The following NXPH1 variants were observed in gnomAD, a reference collection of about 807,000 sequenced individuals.
NXPH1 encodes neurexophilin 1.
NXPH1 carries 5 observed loss-of-function variants against 23.7 expected under a neutral mutation model. The ratio of observed to expected loss-of-function variants is 0.21; its 90% CI spans 0.11 to 0.44. NXPH1 has a LOEUF of 0.44. Ranked by LOEUF, NXPH1 falls within the 20% of genes least tolerant of loss-of-function variation. NXPH1 has a pLI of 0.99. For synonymous variants in NXPH1, 144 were observed against 122.2 expected (o/e 1.18, Z -1.18); for missense variants, 324 against 321.6 (o/e 1.01, Z -0.06).
chr7:8,504,487 C>CATTTTTT (rs1817489763), intron 2 of NXPH1, among the ~76,000 whole-genome samples: 1 of 151,982 alleles, frequency 6.6e-6, no homozygotes, highest in Non-Finnish European at 1.5e-5. Flanking sequence ...AGGGAACTCA[C>CATTTTTT]CTATGTAAAG....
At chr7:8,678,279 A>T (rs1373103936) in intron 2 of NXPH1, among the ~76,000 whole-genome samples, 1 of 151,890 alleles carries the variant, frequency 6.6e-6, no homozygotes, top group Non-Finnish European at 1.5e-5. Flanking sequence ...AGTTCAATAA[A>T]CCCCACCTCT....
chr7:8,628,967 C>A (rs887986026), intron 2 of NXPH1, among the ~76,000 whole-genome samples: 7 of 150,766 alleles, frequency 4.6e-5, no homozygotes, highest in Non-Finnish European at 8.8e-5. Flanking sequence ...CACAGGCATT[C>A]TAGATCTTGG....
chr7:8,473,951 C>T (rs1275002505), intron 2 of NXPH1, among the ~76,000 whole-genome samples: 1 of 152,096 alleles, frequency 6.6e-6, no homozygotes, highest in East Asian at 1.9e-4. Context: ...CCTGAGCTCC[C>T]TTCAAATTAC....
At chr7:8,564,169 C>T (rs150741475) in intron 2 of NXPH1, among the ~76,000 whole-genome samples, 214 of 151,844 alleles carry the variant, frequency 1.4e-3, no homozygotes, top group African/African-American at 3.6e-3. Flanking sequence ...CCTTGCCATC[C>T]GCTTACTCTG....
intron 2 of NXPH1, among the ~76,000 whole-genome samples, chr7:8,481,539 T>C (rs1232511320): frequency 2.0e-5 from 3 of 152,196 alleles, no homozygotes; most frequent in African/African-American, 7.2e-5. Flanking sequence ...GATTTGTTCA[T>C]AATTTAGAGA....
intron 2 of NXPH1, among the ~76,000 whole-genome samples, chr7:8,447,532 C>T (rs1045967653): frequency 6.6e-6 from 1 of 152,188 alleles, no homozygotes; most frequent in Non-Finnish European, 1.5e-5. Context: ...TTTGGTTTAA[C>T]AATGCAGAAT....
intron 2 of NXPH1, among the ~76,000 whole-genome samples, chr7:8,580,711 T>C (rs1398732983): frequency 6.6e-6 from 1 of 150,612 alleles, no homozygotes; most frequent in Non-Finnish European, 1.5e-5. Flanking sequence ...GCGGCATTCA[T>C]GCAGGCTGAG....
intron 2 of NXPH1, among the ~76,000 whole-genome samples, chr7:8,454,626 C>T (rs1458142617): frequency 6.6e-6 from 1 of 152,118 alleles, no homozygotes; most frequent in Non-Finnish European, 1.5e-5. Context: ...ATCTTTCCTC[C>T]TCTATGATAT....
chr7:8,534,386 T>G (rs1392775293), intron 2 of NXPH1, among the ~76,000 whole-genome samples: 3 of 152,102 alleles, frequency 2.0e-5, no homozygotes, highest in Non-Finnish European at 2.9e-5. Flanking sequence ...TACTACTAGG[T>G]TGAAAACGTT....
At chr7:8,671,548 C>T (rs1300358273) in intron 2 of NXPH1, among the ~76,000 whole-genome samples, 2 of 152,204 alleles carry the variant, frequency 1.3e-5, no homozygotes, top group South Asian at 2.1e-4. Context: ...AACAGAATGG[C>T]TATTTATATT....
intron 2 of NXPH1, among the ~76,000 whole-genome samples, chr7:8,616,969 G>T (rs1418567639): frequency 6.6e-6 from 1 of 152,058 alleles, no homozygotes. Flanking sequence ...AAGAGATGGT[G>T]CCAGCTTGGG....
intron 2 of NXPH1, among the ~76,000 whole-genome samples, chr7:8,588,939 TA>T (rs1819035297): frequency 6.6e-6 from 1 of 152,138 alleles, no homozygotes; most frequent in East Asian, 1.9e-4. Context: ...CTGTAATCTT[TA>T]AAAAATTTCC....
intron 2 of NXPH1, among the ~76,000 whole-genome samples, chr7:8,647,777 C>CG (rs1258050696): frequency 1.2e-4 from 17 of 145,974 alleles, no homozygotes; most frequent in Admixed American, 1.1e-3. Flanking sequence ...CTTAACCATT[C>CG]GGTTTTTTTT....
At chr7:8,438,241 T>C (rs1484643678) in intron 2 of NXPH1, among the ~76,000 whole-genome samples, 1 of 152,250 alleles carries the variant, frequency 6.6e-6, no homozygotes, top group East Asian at 1.9e-4. Flanking sequence ...GGCTTCTTTC[T>C]TCATCTATTT....
chr7:8,668,666 C>T (rs1413764291), intron 2 of NXPH1, among the ~76,000 whole-genome samples: 1 of 151,962 alleles, frequency 6.6e-6, no homozygotes, highest in Non-Finnish European at 1.5e-5. Flanking sequence ...AGGGGCTGAC[C>T]AGGTACTGGC....
chr7:8,683,091 C>T (rs1016051881), intron 2 of NXPH1, among the ~76,000 whole-genome samples: 2 of 152,192 alleles, frequency 1.3e-5, no homozygotes, highest in African/African-American at 4.8e-5. Flanking sequence ...ATGACACCAG[C>T]ATCTGCTTGG....
intron 2 of NXPH1, among the ~76,000 whole-genome samples, chr7:8,726,842 T>C (rs1257109377): frequency 4.0e-5 from 6 of 151,884 alleles, no homozygotes; most frequent in African/African-American, 1.5e-4. Context: ...GTCCTTTGGG[T>C]ATATACCCAG....
chr7:8,696,238 C>T (rs2115186605), intron 2 of NXPH1, among the ~76,000 whole-genome samples: 1 of 152,244 alleles, frequency 6.6e-6, no homozygotes. Flanking sequence ...AAAGAATTTT[C>T]TCCAGGAAAT....
At chr7:8,678,959 TTTTTG>T in intron 2 of NXPH1, among the ~76,000 whole-genome samples, 3 of 83,010 alleles carry the variant, frequency 3.6e-5, no homozygotes, top group Non-Finnish European at 7.6e-5. Context: ...TTTTTTTTTT[TTTTTG>T]TTGAGACGGA....
Sources: allele counts gnomAD v4.1 joint callset (sites outside exome capture counted in the v4.1 genomes callset), GRCh38; gene constraint gnomAD v4.1.1; transcripts MANE v1.5; gene names NCBI Gene and HGNC (gene_info 2026-07-23, HGNC 2026-07-21).